ERICH6B: variants seen among roughly 807,000 people sequenced by gnomAD.
ERICH6B encodes the protein glutamate rich 6B, also known as glutamate-rich protein 6B.
A neutral mutation model predicts 80.0 loss-of-function variants in ERICH6B; 69 were observed. That is an observed-to-expected ratio of 0.86 (90% CI 0.71 to 1.05). The LOEUF is 1.05. Ranked by LOEUF, ERICH6B falls within the 50% of genes least tolerant of loss-of-function variation. The probability of loss-of-function intolerance (pLI) is 0.00; values close to 1 mark genes in which losing one functional copy is unlikely to be tolerated. For synonymous variants in ERICH6B, 283 were observed against 291.9 expected, an observed-to-expected ratio of 0.97 and a Z score of 0.31; for missense variants, 754 against 796.1, an observed-to-expected ratio of 0.95 and a Z score of 0.64.
chr13:45,542,952 C>T (rs1873841967), intron 14 of ERICH6B, among the ~76,000 whole-genome samples: 1 of 152,216 alleles, frequency 6.6e-6, no homozygotes, highest in African/African-American at 2.4e-5. Flanking sequence ...ACTCCCTCCT[C>T]TCTTCTCAGA....
At position 45,604,696 on chromosome 13, in the gene ERICH6B, ACAAAC is replaced by A. The variant is rs369705389; in HGVS notation, c.-59+2863_-59+2867del. 2.2e-3 allele frequency among the ~76,000 whole-genome samples: 329 copies of A among 152,018 alleles called. 1 individual carries two copies. The highest frequency in any genetic ancestry group is 7.8e-3 in the African/African-American group (323 of 41,356). ...CTACAAACATTTTTGGCTGGAAAAAACAAACAAACAAACAAACAAAACACCAAGAA... is the reference window on the plus strand; with the variant it reads ...CTACAAACATTTTTGGCTGGAAAAAAAAACAAACAAACAAAACACCAAGAA... On this transcript the variant is annotated intron_variant, in intron 2 of 14. Transcript: ENST00000298738.
At position 45,596,542 on chromosome 13, in the gene ERICH6B, A is replaced by G. The variant is rs370486800; in HGVS notation, c.464T>C (p.Val155Ala). Residue 155 changes from valine to alanine, a missense_variant, in exon 3 of 15, where the codon GTA becomes GCA. By Grantham distance (64) the Val-to-Ala change is moderately conservative. Transcript: ENST00000298738. ...YLEKEDYIEEVDYLGKKAYLE... is the reference protein window; with the variant it reads ...YLEKEDYIEEADYLGKKAYLE... ...ATACGCTTTCTTCCCCAGATAATCT[A>G]CCTCCTCAATATAATCTTCCTTCTC... is the stretch of plus-strand genomic sequence containing the variant. The G allele has an allele frequency of 5.8e-6, 9 of 1,547,124 alleles. No homozygotes were observed. The highest frequency in any genetic ancestry group is 5.6e-5 in the African/African-American group (4 of 71,274).
intron 7 of ERICH6B, among the ~76,000 whole-genome samples, chr13:45,579,593 A>G (rs369392342): frequency 1.0e-3 from 152 of 152,290 alleles, no homozygotes; most frequent in African/African-American, 3.5e-3. Flanking sequence ...CCCTGAGTCT[A>G]TCTGGGGAGG....
chr13:45,543,177 G>C (rs1224199339), intron 14 of ERICH6B, among the ~76,000 whole-genome samples: 1 of 152,082 alleles, frequency 6.6e-6, no homozygotes. Flanking sequence ...AGAGAACCTT[G>C]CTTAGGCCTC....
At chr13:45,600,366 TTTA>T (rs1198296701) in intron 2 of ERICH6B, among the ~76,000 whole-genome samples, 2 of 152,212 alleles carry the variant, frequency 1.3e-5, no homozygotes, top group Admixed American at 1.3e-4. Context: ...TTATTTTTTT[TTTA>T]TTTTGTAAAA....
chr13:45,553,879 C>T (rs1196651748), intron 11 of ERICH6B, among the ~76,000 whole-genome samples: 10 of 152,044 alleles, frequency 6.6e-5, no homozygotes, highest in Admixed American at 1.3e-4. Context: ...TGTTGTACAA[C>T]ATGATGTTTT....
rs140604809 is a variant in ERICH6B at position 45,613,772 on chromosome 13, A to G, written c.-111+1913T>C. On this transcript the variant is annotated intron_variant, in intron 1 of 14. Coordinates refer to ENST00000298738, the MANE Select transcript of ERICH6B (RefSeq NM_182542.3). ...CAGAATAAGCTGTGTTATTAAACTC[A>G]CACTTGCTTTTTTTAGTGGGATAGC... is the stretch of plus-strand genomic sequence containing the variant. Among the ~76,000 whole-genome samples, 23 of 152,334 alleles carry G rather than the reference A, an allele frequency of 1.5e-4. No individual in the cohort carries two copies. In the East Asian group the frequency reaches 4.4e-3, roughly 29 times the overall value.
Position 45,596,745 on chromosome 13 carries a change from C to T in ERICH6B, c.261G>A (p.Gly87=), listed in dbSNP as rs1182608599. The T allele has an allele frequency of 3.2e-6, 5 of 1,551,844 alleles. No homozygotes were observed. The highest frequency in any genetic ancestry group is 2.6e-6 in the Non-Finnish European group (3 of 1,147,054). Residue 87 remains glycine, a synonymous_variant, in exon 3 of 15, where the codon GGG becomes GGA. Coordinates refer to ENST00000298738, the MANE Select transcript of ERICH6B (RefSeq NM_182542.3). ...CTTCCTCCTCCAGATGCTCTTCCTT[C>T]CCCAGATACTCTTCCTCCTTCAAGT... ...EEYLKEEEYL[G]KEEHLEEEEY... is the part of the protein sequence containing the mutation.
intron 2 of ERICH6B, among the ~76,000 whole-genome samples, chr13:45,603,897 GC>G (rs1320003984): frequency 6.6e-6 from 1 of 152,226 alleles, no homozygotes; most frequent in Non-Finnish European, 1.5e-5. Flanking sequence ...TACTGGTGTA[GC>G]CCAAGGGCCT....
chr13:45,579,819 TG>T, intron 7 of ERICH6B, 113 bp downstream of exon 7: 1 of 1,031,274 alleles, frequency 9.7e-7, no homozygotes, highest in Non-Finnish European at 1.5e-6. Context: ...CAGTCCCCTC[TG>T]GGCCCTGGGT....
intron 2 of ERICH6B, among the ~76,000 whole-genome samples, chr13:45,598,063 T>C (rs1243188204): frequency 1.3e-5 from 2 of 152,244 alleles, no homozygotes; most frequent in Admixed American, 1.3e-4. Flanking sequence ...GCTTAGAATA[T>C]GATGTCACCT....
chr13:45,575,444 G>A (rs754889912), intron 7 of ERICH6B, among the ~76,000 whole-genome samples: 12 of 152,182 alleles, frequency 7.9e-5, no homozygotes, highest in Non-Finnish European at 1.3e-4. Flanking sequence ...GAGTGAGGGA[G>A]GGAAGGAGGA....
chr13:45,558,748 A>G (rs528704139), intron 11 of ERICH6B, among the ~76,000 whole-genome samples: 29 of 152,312 alleles, frequency 1.9e-4, no homozygotes, highest in African/African-American at 6.5e-4. Flanking sequence ...TGACTTGGAT[A>G]TGGTAAACCA....
At chr13:45,549,048 C>T (rs1391352257) in intron 13 of ERICH6B, among the ~76,000 whole-genome samples, 1 of 152,126 alleles carries the variant, frequency 6.6e-6, no homozygotes, top group African/African-American at 2.4e-5. Context: ...CTTTGGGTGG[C>T]TGAGGCGGAT....
chr13:45,581,812 C>T (rs185869142), intron 5 of ERICH6B, among the ~76,000 whole-genome samples: 9 of 152,266 alleles, frequency 5.9e-5, no homozygotes, highest in East Asian at 1.9e-4. Context: ...TGGCCTGTGG[C>T]GTTAAGAGGA....
At chr13:45,594,901 C>G (rs1876300152) in intron 3 of ERICH6B, among the ~76,000 whole-genome samples, 1 of 152,166 alleles carries the variant, frequency 6.6e-6, no homozygotes, top group South Asian at 2.1e-4. Context: ...GCCATGCAGT[C>G]ACGACATCAA....
At chr13:45,550,699 A>G (rs1036427593) in intron 11 of ERICH6B, among the ~76,000 whole-genome samples, 25 of 152,162 alleles carry the variant, frequency 1.6e-4, no homozygotes, top group African/African-American at 4.6e-4. Context: ...GGTTTTGAGG[A>G]AGGATCTCTT....
At chr13:45,592,196 T>TA (rs1876182981) in intron 3 of ERICH6B, among the ~76,000 whole-genome samples, 1 of 152,218 alleles carries the variant, frequency 6.6e-6, no homozygotes, top group African/African-American at 2.4e-5. Flanking sequence ...AGACAATATG[T>TA]ACCCTATGCC....
At chr13:45,552,488 T>A (rs1432052834) in intron 11 of ERICH6B, among the ~76,000 whole-genome samples, 4 of 151,646 alleles carry the variant, frequency 2.6e-5, no homozygotes, top group Non-Finnish European at 5.9e-5. Flanking sequence ...TATGTTTTAT[T>A]TCAATTCCCA....
Sources: gnomAD v4.1 joint callset for allele counts (sites outside exome capture counted in the v4.1 genomes callset) on GRCh38, gnomAD v4.1.1 for gene constraint, MANE v1.5 for transcripts, NCBI Gene and HGNC (gene_info 2026-07-23, HGNC 2026-07-21) for gene names.